The following GMDS variants were observed in gnomAD, a reference collection of about 807,000 sequenced individuals.
GMDS encodes GDP-mannose 4,6 dehydratase.
GMDS carries 20 observed loss-of-function variants against 49.9 expected under a neutral mutation model. The observed-to-expected ratio is 0.40, with a 90% CI of 0.28 to 0.58. The LOEUF (loss-of-function observed/expected upper bound fraction) is 0.58. GMDS is among the 20% of genes least tolerant of loss of function. The pLI, the probability that GMDS is intolerant of heterozygous loss-of-function variation, is 0.42. For synonymous variants in GMDS, 177 were observed against 178.6 expected (o/e 0.99, Z 0.07); for missense variants, 362 against 481.4 (o/e 0.75, Z 2.32).
intron 4 of GMDS, among the ~76,000 whole-genome samples, chr6:1,993,893 C>T (rs1391014825): frequency 1.3e-5 from 2 of 152,170 alleles, no homozygotes; most frequent in Non-Finnish European, 2.9e-5. Flanking sequence ...TCTCCCAGTG[C>T]CACGGGACGG....
chr6:2,027,857 T>C (rs1768696400), intron 4 of GMDS, among the ~76,000 whole-genome samples: 1 of 152,140 alleles, frequency 6.6e-6, no homozygotes, highest in African/African-American at 2.4e-5. Flanking sequence ...AATGGAGGTT[T>C]TGTCATATTA....
intron 9 of GMDS, among the ~76,000 whole-genome samples, chr6:1,637,548 C>T (rs1024911661): frequency 3.3e-5 from 5 of 152,248 alleles, no homozygotes; most frequent in African/African-American, 1.2e-4. Flanking sequence ...CCTTATTGCC[C>T]TGGGTGGAGC....
intron 4 of GMDS, among the ~76,000 whole-genome samples, chr6:1,978,610 T>C (rs1205156369): frequency 6.6e-6 from 1 of 152,126 alleles, no homozygotes; most frequent in Non-Finnish European, 1.5e-5. Flanking sequence ...AGAGCTCTAA[T>C]TTCACCCTGG....
intron 9 of GMDS, 109 bp from the exon 10 acceptor site, chr6:1,624,649 C>T (rs1188755577): frequency 2.7e-6 from 2 of 739,084 alleles, no homozygotes; most frequent in Non-Finnish European, 4.6e-6. Flanking sequence ...GCGCACAAGG[C>T]TCCGGGTTTC....
Position 2,199,212 on chromosome 6 carries a change from T to C in GMDS, c.102+46109A>G, listed in dbSNP as rs374589155. ...CATGTCCACAATACATGGTGGTGTT[T>C]ACTCATTAATCAAGATTTTCCTAAA... On this transcript the variant is annotated intron_variant, in intron 1 of 10. Coordinates refer to ENST00000380815, the MANE Select transcript of GMDS (RefSeq NM_001500.4). Among the ~76,000 whole-genome samples, 170 of 152,354 alleles carry C rather than the reference T, an allele frequency of 1.1e-3. 1 individual carries two copies. The highest frequency in any genetic ancestry group is 5.8e-3 in the South Asian group (28 of 4,822).
intron 4 of GMDS, among the ~76,000 whole-genome samples, chr6:2,072,877 AC>A (rs1372492609): frequency 1.8e-4 from 27 of 152,352 alleles, no homozygotes; most frequent in African/African-American, 6.5e-4. Flanking sequence ...TGGTAAAATC[AC>A]AAACACATTT....
At chr6:2,027,234 C>A (rs1311931766) in intron 4 of GMDS, among the ~76,000 whole-genome samples, 1 of 152,048 alleles carries the variant, frequency 6.6e-6, no homozygotes, top group African/African-American at 2.4e-5. Flanking sequence ...GAGGAAGGAG[C>A]GAACACATTT....
chr6:1,972,696 C>A (rs1489570869), intron 4 of GMDS, among the ~76,000 whole-genome samples: 2 of 152,166 alleles, frequency 1.3e-5, no homozygotes, highest in Non-Finnish European at 2.9e-5. Flanking sequence ...AGTAATAGTA[C>A]TTGTGACCTT....
intron 4 of GMDS, among the ~76,000 whole-genome samples, chr6:2,004,321 C>G (rs1323746757): frequency 6.6e-6 from 1 of 152,104 alleles, no homozygotes; most frequent in Non-Finnish European, 1.5e-5. Flanking sequence ...AGATCATGAC[C>G]TATGGAGGCC....
At chr6:1,633,096 C>T (rs889344194) in intron 9 of GMDS, among the ~76,000 whole-genome samples, 4 of 152,226 alleles carry the variant, frequency 2.6e-5, no homozygotes, top group Admixed American at 1.3e-4. Context: ...TCATCCTATA[C>T]AGGCTTTCCA....
At chr6:1,673,514 T>G (rs960587541) in intron 9 of GMDS, among the ~76,000 whole-genome samples, 1 of 152,094 alleles carries the variant, frequency 6.6e-6, no homozygotes, top group South Asian at 2.1e-4. Flanking sequence ...TATCTCAGAG[T>G]GTTATATTTG....
rs376767322 is a variant in GMDS, at chr6:1,726,390, G to A, written c.987+26C>T. 1.1e-4 allele frequency: 170 copies of A among 1,479,102 alleles called. 1 individual carries two copies. Among genetic ancestry groups the A allele is most frequent in the Non-Finnish European group, 1.6e-4 (165 of 1,056,714 alleles). The allele number at this position is 1,479,102 out of a possible 1,614,324, so 91.6% of individuals were successfully genotyped here. ...CAGCCAGCCAGCCAAATGTGGCCACGCACTGGGTGGCCAGAGAGTCCTTAC... is the reference window on the plus strand; with the variant it reads ...CAGCCAGCCAGCCAAATGTGGCCACACACTGGGTGGCCAGAGAGTCCTTAC... On this transcript the variant is annotated intron_variant, in intron 9 of 10. Coordinates refer to ENST00000380815, the MANE Select transcript of GMDS (RefSeq NM_001500.4).
chr6:1,769,709 AT>A (rs61503342), intron 7 of GMDS, among the ~76,000 whole-genome samples: 53,308 of 149,194 alleles, frequency 0.36, 9,683 homozygotes, highest in South Asian at 0.43. Flanking sequence ...TTTATTTTTT[AT>A]TTTTTTTTTT....
At chr6:1,887,182 T>C (rs1759649459) in intron 7 of GMDS, among the ~76,000 whole-genome samples, 1 of 152,178 alleles carries the variant, frequency 6.6e-6, no homozygotes, top group Non-Finnish European at 1.5e-5. Context: ...TTTTTGATAA[T>C]CTTAATAAAA....
At chr6:2,205,630 C>T (rs569013364) in intron 1 of GMDS, among the ~76,000 whole-genome samples, 2 of 152,332 alleles carry the variant, frequency 1.3e-5, no homozygotes, top group Admixed American at 1.3e-4. Context: ...CACAATGCAG[C>T]CCTTGCGATA....
At chr6:1,656,882 A>T (rs1202681447) in intron 9 of GMDS, among the ~76,000 whole-genome samples, 1 of 152,054 alleles carries the variant, frequency 6.6e-6, no homozygotes, top group Non-Finnish European at 1.5e-5. Context: ...AGAAGTGCTG[A>T]GTGTCCCTTC....
intron 1 of GMDS, among the ~76,000 whole-genome samples, chr6:2,220,047 C>G (rs1382137278): frequency 6.6e-6 from 1 of 152,186 alleles, no homozygotes; most frequent in Non-Finnish European, 1.5e-5. Context: ...AGGGCTTATT[C>G]AAGGGCTAGG....
intron 1 of GMDS, among the ~76,000 whole-genome samples, chr6:2,233,029 G>T (rs1418698907): frequency 6.6e-6 from 1 of 152,198 alleles, no homozygotes; most frequent in Non-Finnish European, 1.5e-5. Flanking sequence ...AATGGGTATG[G>T]GCTCTCCTTC....
intron 4 of GMDS, among the ~76,000 whole-genome samples, chr6:2,003,213 T>C (rs1766942950): frequency 6.6e-6 from 1 of 152,134 alleles, no homozygotes. Flanking sequence ...ACAATGTTGC[T>C]AATGGATGAT....
Sources: gnomAD v4.1 joint callset for allele counts (sites outside exome capture counted in the v4.1 genomes callset) on GRCh38, gnomAD v4.1.1 for gene constraint, MANE v1.5 for transcripts, NCBI Gene and HGNC (gene_info 2026-07-23, HGNC 2026-07-21) for gene names.